The following CFAP44 variants were observed in gnomAD, a reference collection of about 807,000 sequenced individuals.
CFAP44 encodes the protein cilia- and flagella-associated protein 44.
CFAP44 carries 134 observed loss-of-function variants against 216.2 expected under a neutral mutation model. That is an observed-to-expected ratio of 0.62 (90% CI 0.54 to 0.72). CFAP44 has a LOEUF of 0.72. Among genes scored for constraint, CFAP44 ranks in the 30% least tolerant of loss-of-function variants. The pLI is 0.00. For synonymous variants in CFAP44, 700 were observed against 727.6 expected, an observed-to-expected ratio of 0.96 and a Z score of 0.61; for missense variants, 2,035 against 2,182.1, an observed-to-expected ratio of 0.93 and a Z score of 1.34.
intron 1 of CFAP44, chr3:113,435,087 G>GT (rs1370576560): frequency 6.6e-6 from 1 of 152,230 alleles, no homozygotes. Flanking sequence ...ACCGAGCTCA[G>GT]TGGCTCATGC....
At chr3:113,303,392 G>C (rs1200910690) in intron 32 of CFAP44, among the ~76,000 whole-genome samples, 1 of 152,144 alleles carries the variant, frequency 6.6e-6, no homozygotes, top group Non-Finnish European at 1.5e-5. Context: ...TAGCAGTAAA[G>C]TGAATAAACT....
chr3:113,350,399 A>C (rs1327984082), intron 22 of CFAP44, among the ~76,000 whole-genome samples: 1 of 152,178 alleles, frequency 6.6e-6, no homozygotes, highest in Non-Finnish European at 1.5e-5. Context: ...AGAGAGGAAG[A>C]GACAGACAAA....
At chr3:113,310,456 C>A (rs1950027258) in intron 28 of CFAP44, among the ~76,000 whole-genome samples, 1 of 152,214 alleles carries the variant, frequency 6.6e-6, no homozygotes, top group Non-Finnish European at 1.5e-5. Context: ...CTTCTACCTC[C>A]ACCAACAGTA....
In CFAP44 at chr3:113,427,151, A is replaced by G. The variant is rs1380896567; in HGVS notation, c.253+36T>C. 1.9e-6 allele frequency: 3 copies of G among 1,596,520 alleles called. No individual in the cohort carries two copies. The African/African-American group carries it at 4.1e-5, about 22-fold the overall frequency. ...TTTGTCTGGGCTTTGTCTCTAAAAC[A>G]GTGACAATTACTGACAGAAAACTAA... On this transcript the variant is annotated intron_variant, in intron 3 of 34. Coordinates refer to ENST00000393845, the MANE Select transcript of CFAP44 (RefSeq NM_001164496.2).
chr3:113,325,816 A>G (rs1380692672), intron 28 of CFAP44, among the ~76,000 whole-genome samples: 1 of 152,220 alleles, frequency 6.6e-6, no homozygotes, highest in Non-Finnish European at 1.5e-5. Context: ...AGGGCTCAAT[A>G]TGTAGCTACA....
chr3:113,389,061 C>T (rs4103250), intron 15 of CFAP44, among the ~76,000 whole-genome samples: 10,975 of 152,218 alleles, frequency 0.072, 452 homozygotes, highest in East Asian at 0.15. Flanking sequence ...TATCCAATGG[C>T]TGCAGAATAC....
chr3:113,338,242 C>T (rs906139418), intron 24 of CFAP44, among the ~76,000 whole-genome samples: 21 of 99,272 alleles, frequency 2.1e-4, no homozygotes, highest in Admixed American at 1.3e-3. Context: ...GGACAACACA[C>T]GAGACAATGT....
At chr3:113,406,894 A>G in intron 8 of CFAP44, 33 bp downstream of exon 8, 1 of 1,530,414 alleles carries the variant, frequency 6.5e-7, no homozygotes, top group Non-Finnish European at 9.0e-7. Context: ...TGAAAACACA[A>G]TTTTAATATT....
At position 113,328,695 on chromosome 3, in the gene CFAP44, T is replaced by TAA. The variant is rs1950210721; in HGVS notation, c.4117-877_4117-876insTT. 1.7e-3 allele frequency among the ~76,000 whole-genome samples: 120 copies of TAA among 72,322 alleles called. 6 individuals carry two copies. Among genetic ancestry groups the TAA allele is most frequent in the African/African-American group, 3.2e-3 (68 of 21,398 alleles). 47.4% of individuals were successfully genotyped at this position (72,322 alleles called of 152,430 possible). ...AAACTACCAGAGAAATTTAGAGAGC[T>TAA]TAAAAAAAAAAAAAAAAAAAAAAAA... On this transcript the variant is annotated intron_variant, in intron 26 of 34. Transcript: ENST00000393845.
At chr3:113,410,971 C>A (rs963501495) in intron 6 of CFAP44, among the ~76,000 whole-genome samples, 9 of 152,190 alleles carry the variant, frequency 5.9e-5, no homozygotes, top group African/African-American at 2.2e-4. Flanking sequence ...CTGTTCATAT[C>A]CTTCACCCAC....
At position 113,401,586 on chromosome 3, in the gene CFAP44, G is replaced by A; in HGVS notation, c.1324C>T (p.Gln442Ter). Residue 442 changes from glutamine (Q) to a stop codon, truncating the protein, a stop_gained and splice_region_variant, in exon 10 of 35, where the codon CAG becomes TAG. Coordinates refer to ENST00000393845, the MANE Select transcript of CFAP44 (RefSeq NM_001164496.2). LOFTEE classifies it high-confidence loss of function. The part of the protein sequence containing the change: ...NETGNNFWLA[Q>*]DANGAIWKLD... ...CAAGAGACAAGAATGCAACACACCT[G>A]AGCCAACCAAAAGTTATTTCCAGTT... 8 of 1,612,896 alleles carry A rather than the reference G, an allele frequency of 5.0e-6. No homozygotes were observed. Among genetic ancestry groups the A allele is most frequent in the Non-Finnish European group, 6.8e-6 (8 of 1,179,568 alleles).
At chr3:113,406,578 C>T (rs1406743111) in intron 8 of CFAP44, among the ~76,000 whole-genome samples, 5 of 150,702 alleles carry the variant, frequency 3.3e-5, no homozygotes, top group African/African-American at 7.3e-5. Context: ...GAGCGGAGAT[C>T]GCGCCACTGC....
intron 2 of CFAP44, among the ~76,000 whole-genome samples, chr3:113,431,316 A>G (rs1282949716): frequency 2.6e-5 from 4 of 152,172 alleles, no homozygotes; most frequent in Non-Finnish European, 5.9e-5. Flanking sequence ...GCACTGGGCC[A>G]GGTCACACTT....
rs1402952930 is a variant in CFAP44, at chr3:113,318,101, C to G, written c.4516+8344G>C. 4.6e-5 allele frequency among the ~76,000 whole-genome samples: 7 copies of G among 152,124 alleles called. No homozygotes were observed. The South Asian group carries it at 1.5e-3, about 32-fold the overall frequency. On this transcript the variant is annotated intron_variant, in intron 28 of 34. Transcript: ENST00000393845. ...AAATGACAAACATAAAATTCAGAATCTGGATGTCAAGGAAGCTCATCAAGA... is the reference window on the plus strand; with the variant it reads ...AAATGACAAACATAAAATTCAGAATGTGGATGTCAAGGAAGCTCATCAAGA...
chr3:113,308,177 A>T lies in CFAP44; in HGVS notation c.4608T>A (p.Asp1536Glu). The T allele has an allele frequency of 6.5e-7, 1 of 1,533,698 alleles. No homozygotes were observed. Among genetic ancestry groups the T allele is most frequent in the Non-Finnish European group, 8.7e-7 (1 of 1,146,072 alleles). ...ACTTACTTGTTGGGCAAATAGAATC[A>T]TCAAAAACCTCATCTTCTGATTCAG... ...DESESEDEVF[D>E]DSICPTNCDV... Residue 1536 changes from aspartate to glutamate, a missense_variant, in exon 29 of 35, where the codon GAT (aspartate) becomes GAA (glutamate). Physicochemically the swap from Asp to Glu is conservative, Grantham distance 45. Transcript: ENST00000393845.
chr3:113,417,098 A>T (rs1479175985), intron 5 of CFAP44: 1 of 153,162 alleles, frequency 6.5e-6, no homozygotes, highest in Non-Finnish European at 1.5e-5. Flanking sequence ...ATGTTGATGC[A>T]GCTAGTTTGG....
intron 27 of CFAP44, 67 bp downstream of exon 27, chr3:113,327,549 G>A: frequency 7.2e-7 from 1 of 1,396,506 alleles, no homozygotes; most frequent in Non-Finnish European, 9.6e-7. Flanking sequence ...GAGTTAAGAA[G>A]AAAAAGAAAT....
At chr3:113,361,287 A>G (rs150530123) in intron 21 of CFAP44, 2 of 220,392 alleles carry the variant, frequency 9.1e-6, no homozygotes, top group East Asian at 1.1e-4. Flanking sequence ...AGTGCTTCAG[A>G]GGGTGAATAT....
intron 1 of CFAP44, among the ~76,000 whole-genome samples, chr3:113,440,966 A>G (rs1400370060): frequency 6.6e-6 from 1 of 152,212 alleles, no homozygotes; most frequent in African/African-American, 2.4e-5. Context: ...ATGTGCACCT[A>G]CTATGTGTCA....
Sources: gnomAD v4.1 joint callset for allele counts (sites outside exome capture counted in the v4.1 genomes callset) on GRCh38, gnomAD v4.1.1 for gene constraint, MANE v1.5 for transcripts, NCBI Gene and HGNC (gene_info 2026-07-23, HGNC 2026-07-21) for gene names.